The following AGAP1 variants were observed in gnomAD, a reference collection of about 807,000 sequenced individuals.
The protein encoded by AGAP1 is arf-GAP with GTPase, ANK repeat and PH domain-containing protein 1.
AGAP1 carries 29 observed loss-of-function variants against 105.3 expected under a neutral mutation model. The observed-to-expected ratio is 0.28, with a 90% CI of 0.21 to 0.38. The LOEUF (loss-of-function observed/expected upper bound fraction) is 0.38. Ranked by LOEUF, AGAP1 falls within the 10% of genes least tolerant of loss-of-function variation. AGAP1 has a pLI of 1.00. For missense variants in AGAP1, 998 were observed against 1,165.1 expected, an observed-to-expected ratio of 0.86 and a Z score of 2.09; for synonymous variants, 509 against 485.9, an observed-to-expected ratio of 1.05 and a Z score of -0.63.
chr2:235,806,528 C>T (rs12476606), intron 8 of AGAP1, among the ~76,000 whole-genome samples: 35,266 of 151,960 alleles, frequency 0.23, 5,096 homozygotes, highest in Admixed American at 0.4. Flanking sequence ...TGCCCGGTGG[C>T]AGCCACTCGT....
chr2:235,611,495 T>A lies in AGAP1; in HGVS notation c.164-97684T>A, dbSNP rs1946123595. ...CACATCTGTGATAACATGGGGTGGG[T>A]GGTTCTGATTCCTGTTTTGAGGTGG... On this transcript the variant is annotated intron_variant, in intron 1 of 17. Transcript: ENST00000304032. This position sits in a 1 kb window ranked among gnomAD's most constrained non-coding sequence, Gnocchi z 5.0. Among the ~76,000 whole-genome samples, 1 of 152,142 alleles carries A rather than the reference T, an allele frequency of 6.6e-6. No homozygotes were observed. The highest frequency in any genetic ancestry group is 1.5e-5 in the Non-Finnish European group (1 of 68,026).
chr2:235,956,932 T>C (rs1445727041), intron 12 of AGAP1, among the ~76,000 whole-genome samples: 2 of 152,242 alleles, frequency 1.3e-5, no homozygotes, highest in Non-Finnish European at 2.9e-5. Flanking sequence ...ATAGTGGACG[T>C]TTTAAAATCT....
In AGAP1 at chr2:236,101,350, G is replaced by A. The variant is rs2059340898; in HGVS notation, c.2115-18842G>A. Reference sequence around the variant, plus strand: ...AGGCCGCAGTTCTTAAAGCCACTTGGCAGTTTTTATTGGAAGCCTACTTGG... The same window carrying A: ...AGGCCGCAGTTCTTAAAGCCACTTGACAGTTTTTATTGGAAGCCTACTTGG... On this transcript the variant is annotated intron_variant, in intron 16 of 17. Coordinates refer to ENST00000304032, the MANE Select transcript of AGAP1 (RefSeq NM_001037131.3). The surrounding 1 kb of genome is among the most constrained non-coding windows in gnomAD (Gnocchi z 4.9). 6.6e-6 allele frequency among the ~76,000 whole-genome samples: 1 copy of A among 152,174 alleles called. No homozygotes were observed. The highest frequency in any genetic ancestry group is 1.5e-5 in the Non-Finnish European group (1 of 68,044).
At chr2:236,030,771 G>A (rs1199290803) in intron 13 of AGAP1, among the ~76,000 whole-genome samples, 2 of 152,192 alleles carry the variant, frequency 1.3e-5, no homozygotes, top group East Asian at 1.9e-4. Context: ...TGTTGGAGAG[G>A]AGAGCGACAG....
chr2:236,026,565 C>G (rs2125623070), intron 13 of AGAP1, among the ~76,000 whole-genome samples: 1 of 152,192 alleles, frequency 6.6e-6, no homozygotes, highest in East Asian at 1.9e-4. Flanking sequence ...CTCAGCTCTA[C>G]TAAAAATACA....
At chr2:236,059,143 A>G (rs1323900848) in intron 16 of AGAP1, among the ~76,000 whole-genome samples, 1 of 152,098 alleles carries the variant, frequency 6.6e-6, no homozygotes, top group African/African-American at 2.4e-5. Flanking sequence ...CCTGGGCAAA[A>G]TAACAAGACC....
Position 235,569,255 on chromosome 2 carries a change from T to G in AGAP1, c.163+74406T>G, listed in dbSNP as rs1242893445. On this transcript the variant is annotated intron_variant, in intron 1 of 17. Transcript: ENST00000304032. The surrounding 1 kb of genome is among the most constrained non-coding windows in gnomAD (Gnocchi z 5.9). ...GCTTGAACCCAGGAGGCGGAGGTTG[T>G]AGTGACCCAAGATCACGCCATTGCA... Among the ~76,000 whole-genome samples the G allele has an allele frequency of 6.6e-6, 1 of 152,038 alleles. No individual in the cohort carries two copies.
chr2:235,672,272 T>C (rs1472800524), intron 1 of AGAP1, among the ~76,000 whole-genome samples: 1 of 152,208 alleles, frequency 6.6e-6, no homozygotes, highest in African/African-American at 2.4e-5. Flanking sequence ...TATGGAAATA[T>C]TTTTAAGGTA....
rs1322930930 is a variant in AGAP1, at chr2:236,113,632, AGAATTGTCTTT to A, written c.2115-6558_2115-6548del. On this transcript the variant is annotated intron_variant, in intron 16 of 17. Transcript: ENST00000304032. The surrounding 1 kb of genome is among the most constrained non-coding windows in gnomAD (Gnocchi z 4.3). ...GGGTAGCAGGTGGGGAGTGTCCAAGAGAATTGTCTTTGGGATGGACACAGGGAAGCCACCTT... is the reference window on the plus strand; with the variant it reads ...GGGTAGCAGGTGGGGAGTGTCCAAGAGGGATGGACACAGGGAAGCCACCTT... 6.6e-6 allele frequency among the ~76,000 whole-genome samples: 1 copy of A among 152,090 alleles called. No individual in the cohort carries two copies. Among genetic ancestry groups the A allele is most frequent in the African/African-American group, 2.4e-5 (1 of 41,410 alleles).
chr2:235,521,022 A>G (rs1334038283), intron 1 of AGAP1, among the ~76,000 whole-genome samples: 2 of 152,212 alleles, frequency 1.3e-5, no homozygotes, highest in East Asian at 1.9e-4. Context: ...CATGTGGTAC[A>G]TTGGTCATCT....
intron 16 of AGAP1, among the ~76,000 whole-genome samples, chr2:236,063,705 C>A (rs772254842): frequency 1.2e-4 from 19 of 152,222 alleles, no homozygotes; most frequent in Non-Finnish European, 1.9e-4. Flanking sequence ...TAGAGGCAAA[C>A]TGTCCGAGGC....
chr2:235,730,515 T>C (rs1951888035), intron 3 of AGAP1, among the ~76,000 whole-genome samples: 1 of 146,232 alleles, frequency 6.8e-6, no homozygotes, highest in South Asian at 2.2e-4. Flanking sequence ...AAGGTCTCAC[T>C]CTGTCACCTG....
At chr2:236,022,395 T>C (rs1009841170) in intron 13 of AGAP1, among the ~76,000 whole-genome samples, 1 of 152,234 alleles carries the variant, frequency 6.6e-6, no homozygotes, top group African/African-American at 2.4e-5. Flanking sequence ...AATAATTAGC[T>C]GAGAACCGTG....
intron 1 of AGAP1, among the ~76,000 whole-genome samples, chr2:235,584,208 T>TTTTTA: frequency 6.6e-6 from 1 of 151,228 alleles, no homozygotes. Flanking sequence ...TTTTTTTTTT[T>TTTTTA]TGCATGGAAA....
rs2050635471 is a variant in AGAP1 at position 235,893,274 on chromosome 2, GTC to G, written c.1155+9827_1155+9828del. Among the ~76,000 whole-genome samples, 1 of 151,548 alleles carries G rather than the reference GTC, an allele frequency of 6.6e-6. No homozygotes were observed. Among genetic ancestry groups the G allele is most frequent in the South Asian group, 2.1e-4 (1 of 4,772 alleles). On this transcript the variant is annotated intron_variant, in intron 10 of 17. Transcript: ENST00000304032. This position sits in a 1 kb window ranked among gnomAD's most constrained non-coding sequence, Gnocchi z 4.7. ...CATGTCCATCATAAGGAAGCGCCGT[GTC>G]TGTAGCGTGGGTGTAGCGTGTCTGT...
intron 1 of AGAP1, among the ~76,000 whole-genome samples, chr2:235,573,993 C>G (rs1944655768): frequency 6.6e-6 from 1 of 152,214 alleles, no homozygotes; most frequent in African/African-American, 2.4e-5. Flanking sequence ...CCCCTCCCTT[C>G]CTGTGTTGGC....
chr2:235,547,121 T>C (rs1313620639), intron 1 of AGAP1, among the ~76,000 whole-genome samples: 5 of 152,142 alleles, frequency 3.3e-5, no homozygotes, highest in Non-Finnish European at 7.3e-5. Context: ...GGAGAGATGC[T>C]TTCTATGCTG....
In AGAP1 at chr2:235,639,650, CTGT is replaced by C. The variant is rs1303083944; in HGVS notation, c.164-69524_164-69522del. 6.6e-6 allele frequency among the ~76,000 whole-genome samples: 1 copy of C among 152,128 alleles called. No individual in the cohort carries two copies. Among genetic ancestry groups the C allele is most frequent in the Admixed American group, 6.5e-5 (1 of 15,288 alleles). ...CTGGTGCCCAAATGTTCTGGGCACA[CTGT>C]TGTTTGGGGAAGAATCGCAGGGACT... On this transcript the variant is annotated intron_variant, in intron 1 of 17. Coordinates refer to ENST00000304032, the MANE Select transcript of AGAP1 (RefSeq NM_001037131.3). This position sits in a 1 kb window ranked among gnomAD's most constrained non-coding sequence, Gnocchi z 5.3.
chr2:236,122,661 A>G (rs1576356005), intron 17 of AGAP1, among the ~76,000 whole-genome samples: 2 of 149,934 alleles, frequency 1.3e-5, no homozygotes, highest in Admixed American at 6.6e-5. Context: ...ACATCCGGGC[A>G]CTGTTTCTTC....
Sources: allele counts gnomAD v4.1 joint callset (sites outside exome capture counted in the v4.1 genomes callset), GRCh38; gene constraint gnomAD v4.1.1; non-coding constraint Gnocchi (gnomAD v3.1); transcripts MANE v1.5; gene names NCBI Gene and HGNC (gene_info 2026-07-23, HGNC 2026-07-21).